Variants in KMT2C observed in about 807,000 individuals in gnomAD.
KMT2C encodes the protein lysine methyltransferase 2C.
In KMT2C, 88 loss-of-function variants were observed where a neutral mutation model predicts 507.9. The ratio of observed to expected loss-of-function variants is 0.17; its 90% CI spans 0.15 to 0.21. The LOEUF (loss-of-function observed/expected upper bound fraction) is 0.21. KMT2C is among the 10% of genes least tolerant of loss of function. The pLI, the probability that KMT2C is intolerant of heterozygous loss-of-function variation, is 1.00. For missense variants in KMT2C, 4,954 were observed against 5,957.8 expected, an observed-to-expected ratio of 0.83 and a Z score of 5.55; for synonymous variants, 2,049 against 2,080.8, an observed-to-expected ratio of 0.98 and a Z score of 0.42.
chr7:152,401,178 G>A (rs55794932), intron 1 of KMT2C, among the ~76,000 whole-genome samples: 20 of 147,680 alleles, frequency 1.4e-4, no homozygotes, highest in South Asian at 4.3e-4. Flanking sequence ...CTCCGCCTCC[G>A]GGGTTCAAGC....
intron 31 of KMT2C, among the ~76,000 whole-genome samples, chr7:152,193,130 C>T (rs1273372393): frequency 6.6e-6 from 1 of 152,160 alleles, no homozygotes; most frequent in Non-Finnish European, 1.5e-5. Context: ...GAGTTGTGTT[C>T]ACACCACTGC....
chr7:152,307,260 AG>A lies in KMT2C; in HGVS notation c.849+2705del, dbSNP rs1563803392. Among the ~76,000 whole-genome samples the A allele has an allele frequency of 4.3e-3, 513 of 119,514 alleles. 6 individuals are homozygous for A. The highest frequency in any genetic ancestry group is 5.9e-3 in the Non-Finnish European group (350 of 59,712). The allele number at this position is 119,514 out of a possible 152,430, so 78.4% of individuals were successfully genotyped here. On this transcript the variant is annotated intron_variant, in intron 6 of 58. Transcript: ENST00000262189. ...AAGGAAGGAAGGAAGGACGGTAGGA[AG>A]GAAGGAAGGAAGAAAGAAAGGAAGG...
chr7:152,336,308 G>C (rs1431855068), intron 2 of KMT2C, among the ~76,000 whole-genome samples: 1 of 152,162 alleles, frequency 6.6e-6, no homozygotes, highest in African/African-American at 2.4e-5. Context: ...TTAGATCTTA[G>C]TATCTGTCAA....
intron 3 of KMT2C, among the ~76,000 whole-genome samples, chr7:152,327,176 C>G (rs1589215066): frequency 2.0e-5 from 3 of 152,308 alleles, no homozygotes; most frequent in Middle Eastern, 6.8e-3. Flanking sequence ...ATCAATCTAC[C>G]TATATTTTTT....
At position 152,162,928 on chromosome 7, in the gene KMT2C, C is replaced by T; in HGVS notation, c.10649G>A (p.Arg3550Lys). The part of the protein sequence containing the change: ...SGTSFQQSPV[R>K]PSFTPALPAA... Reference sequence around the variant, plus strand: ...TGGTAAAGCAGGTGTAAAAGAAGGCCTCACTGGGGACTGCTGGAAGCTGGT... The same window carrying T: ...TGGTAAAGCAGGTGTAAAAGAAGGCTTCACTGGGGACTGCTGGAAGCTGGT... Residue 3550 changes from arginine (R) to lysine (K), a missense_variant, in exon 43 of 59, where the codon AGG becomes AAG. Transcript: ENST00000262189. The T allele has an allele frequency of 6.2e-7, 1 of 1,614,152 alleles. No individual in the cohort carries two copies. The highest frequency in any genetic ancestry group is 1.1e-5 in the South Asian group (1 of 91,080).
rs1189694609 is a variant in KMT2C at position 152,154,207 on chromosome 7, T to C, written c.12139+60A>G. 3 of 1,610,534 alleles carry C rather than the reference T, an allele frequency of 1.9e-6. No individual in the cohort carries two copies. The East Asian group carries it at 6.7e-5, about 36-fold the overall frequency. ...TTAATGGATTTTCAAAATCAAAATA[T>C]TTACATTAGTAAATTGGCGTAGTGT... On this transcript the variant is annotated intron_variant, in intron 47 of 58. Transcript: ENST00000262189.
chr7:152,354,968 A>G (rs991832239), intron 2 of KMT2C, among the ~76,000 whole-genome samples: 5 of 152,210 alleles, frequency 3.3e-5, no homozygotes, highest in Non-Finnish European at 5.9e-5. Flanking sequence ...GGACAAGAGT[A>G]GAATGGAATG....
intron 18 of KMT2C, among the ~76,000 whole-genome samples, chr7:152,228,551 A>G (rs1337319128): frequency 6.6e-6 from 1 of 152,218 alleles, no homozygotes; most frequent in African/African-American, 2.4e-5. Flanking sequence ...TTCAAATTCT[A>G]GCTCTACCAG....
intron 27 of KMT2C, among the ~76,000 whole-genome samples, chr7:152,197,203 G>A (rs1476656175): frequency 6.6e-6 from 1 of 152,110 alleles, no homozygotes. Flanking sequence ...GCTTTGGGAC[G>A]TATTTTGAAG....
chr7:152,310,588 G>A (rs924084514), intron 5 of KMT2C, among the ~76,000 whole-genome samples: 49 of 152,128 alleles, frequency 3.2e-4, no homozygotes, highest in African/African-American at 1.1e-3. Flanking sequence ...AAAAAATGCA[G>A]AAGCGCAGAT....
chr7:152,219,600 A>C (rs1284116719), intron 23 of KMT2C, among the ~76,000 whole-genome samples: 1 of 152,078 alleles, frequency 6.6e-6, no homozygotes, highest in Non-Finnish European at 1.5e-5. Context: ...AAAACAAAAA[A>C]CTATGAAATA....
At chr7:152,358,697 A>T (rs375100603) in intron 1 of KMT2C, 22 bp from the exon 2 acceptor site, 1 of 1,440,492 alleles carries the variant, frequency 6.9e-7, no homozygotes, top group Non-Finnish European at 9.7e-7. Flanking sequence ...AAAAAAAATA[A>T]TAAGTACATA....
At chr7:152,205,356 A>C in intron 24 of KMT2C, 131 bp from the exon 25 acceptor site, 1 of 523,782 alleles carries the variant, frequency 1.9e-6, no homozygotes. Context: ...ATCTAAATCA[A>C]TAACCTGATT....
At chr7:152,149,831 A>T (rs1563151414) in intron 51 of KMT2C, among the ~76,000 whole-genome samples, 1 of 152,196 alleles carries the variant, frequency 6.6e-6, no homozygotes, top group Non-Finnish European at 1.5e-5. Context: ...CTCTTTTCAC[A>T]TGCCCCAATC....
At chr7:152,413,180 T>C (rs1466131949) in intron 1 of KMT2C, among the ~76,000 whole-genome samples, 3 of 152,180 alleles carry the variant, frequency 2.0e-5, no homozygotes, top group Non-Finnish European at 4.4e-5. Context: ...AGTGGTGCGA[T>C]TTTACCTCAC....
chr7:152,186,395 T>C (rs1012780672), intron 33 of KMT2C, among the ~76,000 whole-genome samples: 4 of 152,192 alleles, frequency 2.6e-5, no homozygotes, highest in Non-Finnish European at 5.9e-5. Context: ...AAACAGCAAA[T>C]GTAAGCATGG....
intron 1 of KMT2C, among the ~76,000 whole-genome samples, chr7:152,422,249 C>G (rs2097781482): frequency 6.7e-6 from 1 of 148,930 alleles, no homozygotes; most frequent in African/African-American, 2.5e-5. Context: ...TATTTCGAGA[C>G]CAGCCTGGCC....
rs530218895 is a variant in KMT2C, at chr7:152,178,008, A to C, written c.7445T>G (p.Phe2482Cys). 3.1e-6 allele frequency: 4 copies of C among 1,273,984 alleles called. No individual in the cohort carries two copies. The highest frequency in any genetic ancestry group is 3.9e-6 in the Non-Finnish European group (4 of 1,017,372). 78.9% of individuals were successfully genotyped at this position (1,273,984 alleles called of 1,614,324 possible). The change falls in exon 38 of 59, where the codon TTT (phenylalanine) becomes TGT (cysteine). Residue 2482 changes from phenylalanine (F) to cysteine (C), a missense_variant and splice_region_variant. Physicochemically the swap from Phe to Cys is radical, Grantham distance 205 (BLOSUM62 -2). Transcript: ENST00000262189. ...SMGMRPHGFRFGFPGGSHGTM... is the reference protein window; with the variant it reads ...SMGMRPHGFRCGFPGGSHGTM... ...ACCATGACTACCTCCTGGAAATCCA[A>C]ATCTTTTAAAAAAAAAAAAAAAAAA... is the stretch of plus-strand genomic sequence containing the variant.
intron 6 of KMT2C, among the ~76,000 whole-genome samples, chr7:152,276,163 C>T (rs73730022): frequency 6.4e-3 from 844 of 130,994 alleles, no homozygotes; most frequent in Middle Eastern, 0.011. Flanking sequence ...GAGAACGCTT[C>T]AAACCCATCT....
Sources: gnomAD v4.1 joint callset for allele counts (sites outside exome capture counted in the v4.1 genomes callset) on GRCh38, gnomAD v4.1.1 for gene constraint, MANE v1.5 for transcripts, NCBI Gene and HGNC (gene_info 2026-07-23, HGNC 2026-07-21) for gene names.